Variants in RPS6KC1 observed in about 807,000 individuals in gnomAD.
RPS6KC1 encodes ribosomal protein S6 kinase C1, also known as inactive ribosomal protein S6 kinase delta-1.
Under a neutral mutation model 103.8 loss-of-function variants are expected in RPS6KC1, and 54 were observed. That is an observed-to-expected ratio of 0.52 (90% confidence interval 0.42 to 0.65). The LOEUF (loss-of-function observed/expected upper bound fraction) is 0.65. Ranked by LOEUF, RPS6KC1 falls within the 30% of genes least tolerant of loss-of-function variation. The probability of loss-of-function intolerance (pLI) is 0.00; values close to 1 mark genes in which losing one functional copy is unlikely to be tolerated. For missense variants in RPS6KC1, 1,151 were observed against 1,253.8 expected, an observed-to-expected ratio of 0.92 and a Z score of 1.24; for synonymous variants, 439 against 438.7, an observed-to-expected ratio of 1.00 and a Z score of -0.01.
the RPS6KC1 span, among the ~76,000 whole-genome samples, chr1:213,631,352 C>T: frequency 6.7e-6 from 1 of 148,758 alleles, no homozygotes; most frequent in Non-Finnish European, 1.5e-5. Context: ...CATCTTGGCT[C>T]CACCAATCTG....
the RPS6KC1 span, among the ~76,000 whole-genome samples, chr1:213,581,374 A>G: frequency 1.4e-3 from 220 of 152,032 alleles, 1 homozygote; most frequent in Middle Eastern, 3.4e-3. Context: ...TCTTTTTCAC[A>G]TTGTTTTGGT....
chr1:213,669,486 C>A, the RPS6KC1 span, among the ~76,000 whole-genome samples: 60,789 of 151,926 alleles, frequency 0.4, 14,158 homozygotes, highest in South Asian at 0.7. Context: ...TCACTGATCA[C>A]AGATCACCAT....
chr1:213,459,408 G>A, the RPS6KC1 span, among the ~76,000 whole-genome samples: 1 of 152,140 alleles, frequency 6.6e-6, no homozygotes, highest in East Asian at 1.9e-4. Flanking sequence ...CTTCTCTGAT[G>A]GTAGTTTATA....
At chr1:213,154,135 C>T (rs961140095) in intron 6 of RPS6KC1, among the ~76,000 whole-genome samples, 2 of 115,782 alleles carry the variant, frequency 1.7e-5, no homozygotes, top group Non-Finnish European at 3.5e-5. Flanking sequence ...CTGTTCTAAG[C>T]CACCTAAAGC....
chr1:213,759,392 G>T, the RPS6KC1 span, among the ~76,000 whole-genome samples: 1 of 152,150 alleles, frequency 6.6e-6, no homozygotes, highest in Non-Finnish European at 1.5e-5. Flanking sequence ...TTGCTTCATT[G>T]CAATGGTCTG....
chr1:213,359,572 GT>G, the RPS6KC1 span, among the ~76,000 whole-genome samples: 4 of 152,068 alleles, frequency 2.6e-5, no homozygotes, highest in Non-Finnish European at 5.9e-5. Flanking sequence ...AGTTAATATT[GT>G]TATGTGTGAA....
the RPS6KC1 span, among the ~76,000 whole-genome samples, chr1:213,787,486 T>G: frequency 1.2e-4 from 19 of 152,288 alleles, no homozygotes; most frequent in African/African-American, 4.1e-4. Flanking sequence ...TGCAAAGTCT[T>G]TCTTAAATTT....
intron 1 of RPS6KC1, among the ~76,000 whole-genome samples, chr1:213,057,237 G>A (rs1045003646): frequency 1.3e-5 from 2 of 152,014 alleles, no homozygotes; most frequent in East Asian, 1.9e-4. Flanking sequence ...CACCATGCCC[G>A]GCTGACTCTG....
chr1:213,652,644 G>A, the RPS6KC1 span, among the ~76,000 whole-genome samples: 64,225 of 151,940 alleles, frequency 0.42, 14,154 homozygotes, highest in Non-Finnish European at 0.51. Flanking sequence ...CCCTGCTTTC[G>A]GAATGCTGTC....
chr1:213,185,920 A>G (rs2092505294), intron 8 of RPS6KC1, among the ~76,000 whole-genome samples: 1 of 151,820 alleles, frequency 6.6e-6, no homozygotes, highest in Non-Finnish European at 1.5e-5. Context: ...CTTACAAAAA[A>G]TATCTTACAA....
intron 8 of RPS6KC1, among the ~76,000 whole-genome samples, chr1:213,204,073 A>G (rs1471120246): frequency 1.3e-5 from 2 of 152,154 alleles, no homozygotes; most frequent in African/African-American, 4.8e-5. Flanking sequence ...TTGCACCTGT[A>G]ATTCTTCAGC....
At chr1:213,090,853 T>C (rs1349460805) in intron 3 of RPS6KC1, among the ~76,000 whole-genome samples, 1 of 152,212 alleles carries the variant, frequency 6.6e-6, no homozygotes, top group Non-Finnish European at 1.5e-5. Flanking sequence ...GATGTTTTTA[T>C]GAAAAATGAT....
At chr1:213,146,479 G>A (rs1216246655) in intron 6 of RPS6KC1, among the ~76,000 whole-genome samples, 4 of 149,616 alleles carry the variant, frequency 2.7e-5, no homozygotes, top group East Asian at 2.0e-4. Context: ...CAGGAGTGCA[G>A]TGGCACGATC....
the RPS6KC1 span, among the ~76,000 whole-genome samples, chr1:213,544,014 A>G: frequency 7.9e-5 from 12 of 152,332 alleles, no homozygotes; most frequent in South Asian, 8.3e-4. Flanking sequence ...CATATCCAAC[A>G]AAACATCAAT....
the RPS6KC1 span, among the ~76,000 whole-genome samples, chr1:213,558,136 G>A: frequency 2.0e-5 from 3 of 152,200 alleles, no homozygotes; most frequent in Non-Finnish European, 4.4e-5. Flanking sequence ...GCTTTACAGA[G>A]GCTTTTCTTC....
At chr1:213,515,462 C>G in the RPS6KC1 span, among the ~76,000 whole-genome samples, 1 of 152,266 alleles carries the variant, frequency 6.6e-6, no homozygotes, top group East Asian at 1.9e-4. Context: ...AGCCAGTTTT[C>G]CCAGCACCAT....
chr1:213,808,637 G>A, the RPS6KC1 span, among the ~76,000 whole-genome samples: 30 of 152,342 alleles, frequency 2.0e-4, no homozygotes, highest in East Asian at 1.2e-3. Context: ...TTGGAAAAGC[G>A]CAGTATTTGG....
At chr1:213,722,308 A>G in the RPS6KC1 span, among the ~76,000 whole-genome samples, 1 of 152,080 alleles carries the variant, frequency 6.6e-6, no homozygotes, top group Non-Finnish European at 1.5e-5. Context: ...CAGTACCCAA[A>G]CTTTCCTCTG....
chr1:213,293,908 G>A, the RPS6KC1 span, among the ~76,000 whole-genome samples: 18 of 152,234 alleles, frequency 1.2e-4, no homozygotes, highest in Non-Finnish European at 2.1e-4. Flanking sequence ...AGAAAATTTG[G>A]AAAATAGGAA....
Sources: gnomAD v4.1 joint callset for allele counts (sites outside exome capture counted in the v4.1 genomes callset) on GRCh38, gnomAD v4.1.1 for gene constraint, MANE v1.5 for transcripts, NCBI Gene and HGNC (gene_info 2026-07-23, HGNC 2026-07-21) for gene names.